Variants in ADCK2 observed in about 807,000 individuals in gnomAD.
ADCK2 encodes uncharacterized aarF domain-containing protein kinase 2.
Under a neutral mutation model 52.3 loss-of-function variants are expected in ADCK2, and 37 were observed. That is an observed-to-expected ratio of 0.71 (90% confidence interval 0.54 to 0.93). The LOEUF is 0.93. Among genes scored for constraint, ADCK2 ranks in the 40% least tolerant of loss-of-function variants. ADCK2 has a pLI of 0.00. For synonymous variants in ADCK2, 321 were observed against 349.2 expected, an observed-to-expected ratio of 0.92 and a Z score of 0.90; for missense variants, 695 against 798.7, an observed-to-expected ratio of 0.87 and a Z score of 1.56.
At chr7:140,689,154 G>T (rs903542626) in intron 5 of ADCK2, among the ~76,000 whole-genome samples, 2 of 151,986 alleles carry the variant, frequency 1.3e-5, no homozygotes, top group African/African-American at 4.8e-5. Flanking sequence ...TTTTAGTAGA[G>T]ATGGGGTTTC....
intron 2 of ADCK2, among the ~76,000 whole-genome samples, chr7:140,677,839 TG>T (rs1200946036): frequency 6.6e-6 from 1 of 151,950 alleles, no homozygotes; most frequent in African/African-American, 2.4e-5. Flanking sequence ...TTGGACCAAG[TG>T]GGGGAATAAC....
rs369787821 is a variant in ADCK2 at position 140,690,727 on chromosome 7, T to TGGTCTGCA, written c.1687-32_1687-25dup. ...AAATGAGCGGTTCTGGAAGGCTCGG[T>TGGTCTGCA]GGTCTGCATTAGCCTTTATTTTGTT... On this transcript the variant is annotated intron_variant, in intron 6 of 7. Transcript: ENST00000072869. 221 of 1,608,476 alleles carry TGGTCTGCA rather than the reference T, an allele frequency of 1.4e-4. 1 individual carries two copies. The African/African-American group carries it at 2.4e-3, about 18-fold the overall frequency.
chr7:140,690,577 T>G (rs931209428), intron 6 of ADCK2, among the ~76,000 whole-genome samples, 183 bp from the exon 7 acceptor site: 3 of 151,668 alleles, frequency 2.0e-5, no homozygotes, highest in Non-Finnish European at 4.4e-5. Flanking sequence ...GAGGTGGAGT[T>G]GGGCTTGTGC....
intron 7 of ADCK2, 135 bp from the exon 8 acceptor site, chr7:140,694,528 G>C: frequency 1.2e-6 from 1 of 817,102 alleles, no homozygotes; most frequent in South Asian, 1.8e-5. Flanking sequence ...GTAGAGAAGA[G>C]AATGTCAGGT....
Position 140,673,587 on chromosome 7 carries a change from G to T in ADCK2, c.257G>T (p.Arg86Leu). The T allele has an allele frequency of 1.2e-6, 2 of 1,605,736 alleles. No individual in the cohort carries two copies. The highest frequency in any genetic ancestry group is 1.1e-5 in the South Asian group (1 of 90,924). ...GCGGGGCCCGCGGAGAGCCTCCCCC[G>T]AGCGGGACCTCTGGGCGGCGTCTTC... Reference protein sequence around the residue: ...AGAGPAESLPRAGPLGGVFLH... With the variant: ...AGAGPAESLPLAGPLGGVFLH... The change falls in exon 1 of 8, where the codon CGA becomes CTA. Residue 86 changes from arginine to leucine, a missense_variant. By Grantham distance (102) the Arg-to-Leu change is moderately radical (BLOSUM62 -2). Coordinates refer to ENST00000072869, the MANE Select transcript of ADCK2 (RefSeq NM_052853.4). This position sits in a 1 kb window ranked among gnomAD's most constrained non-coding sequence, Gnocchi z 6.4.
chr7:140,675,976 G>A (rs539240058), intron 2 of ADCK2, among the ~76,000 whole-genome samples: 4 of 152,332 alleles, frequency 2.6e-5, no homozygotes, highest in South Asian at 2.1e-4. Flanking sequence ...GCAACCTGCC[G>A]AGTATTTGTT....
At chr7:140,682,998 C>CA (rs34792260) in intron 4 of ADCK2, among the ~76,000 whole-genome samples, 6,036 of 54,134 alleles carry the variant, frequency 0.11, 377 homozygotes, top group South Asian at 0.15. Context: ...GACTCTGTCT[C>CA]AAAAAAAAAA....
At position 140,673,837 on chromosome 7, in the gene ADCK2, G is replaced by T; in HGVS notation, c.507G>T (p.Lys169Asn). The change falls in exon 1 of 8, where the codon AAG (lysine) becomes AAT (asparagine). Residue 169 changes from lysine to asparagine, a missense_variant. Coordinates refer to ENST00000072869, the MANE Select transcript of ADCK2 (RefSeq NM_052853.4). The surrounding 1 kb of genome is among the most constrained non-coding windows in gnomAD (Gnocchi z 6.4). ...FSEAFCAQFS[K>N]LHVRVTPHPW... ...AGGCTTTCTGTGCCCAATTTTCCAA[G>T]CTGCATGTCCGAGTGACGCCCCACC... is the stretch of plus-strand genomic sequence containing the variant. The T allele has an allele frequency of 6.2e-7, 1 of 1,613,982 alleles. No individual in the cohort carries two copies. Among genetic ancestry groups the T allele is most frequent in the Non-Finnish European group, 8.5e-7 (1 of 1,180,026 alleles).
At position 140,678,375 on chromosome 7, in the gene ADCK2, C is replaced by T. The variant is rs1794457745; in HGVS notation, c.1081-780C>T. On this transcript the variant is annotated intron_variant, in intron 2 of 7. Coordinates refer to ENST00000072869, the MANE Select transcript of ADCK2 (RefSeq NM_052853.4). The surrounding 1 kb of genome is among the most constrained non-coding windows in gnomAD (Gnocchi z 4.9). ...CACATCCAGGTGTCATTGGATATAT[C>T]ACTCTGGAGACTGGCATTGAGGTCT... Among the ~76,000 whole-genome samples, 1 of 152,128 alleles carries T rather than the reference C, an allele frequency of 6.6e-6. No homozygotes were observed. Among genetic ancestry groups the T allele is most frequent in the Non-Finnish European group, 1.5e-5 (1 of 68,016 alleles).
In ADCK2 at chr7:140,679,235, C is replaced by T; in HGVS notation, c.1161C>T (p.Thr387=). 1 of 1,614,124 alleles carries T rather than the reference C, an allele frequency of 6.2e-7. No homozygotes were observed. Among genetic ancestry groups the T allele is most frequent in the South Asian group, 1.1e-5 (1 of 91,076 alleles). Residue 387 remains threonine (T), a synonymous_variant, in exon 3 of 8, where the codon ACC becomes ACT. Coordinates refer to ENST00000072869, the MANE Select transcript of ADCK2 (RefSeq NM_052853.4). ...FRNVKAVKFP[T]PLRPFVTREV... is the part of the protein sequence containing the mutation. ...ATGTGAAAGCCGTCAAGTTCCCCAC[C>T]CCTCTGCGCCCCTTTGTCACCAGAG...
At chr7:140,677,152 A>G (rs1002793377) in intron 2 of ADCK2, among the ~76,000 whole-genome samples, 1 of 152,230 alleles carries the variant, frequency 6.6e-6, no homozygotes, top group Non-Finnish European at 1.5e-5. Flanking sequence ...TCACACCTGT[A>G]GTCCTAGCAC....
chr7:140,679,585 C>T (rs541444366), intron 3 of ADCK2, among the ~76,000 whole-genome samples: 234 of 150,642 alleles, frequency 1.6e-3, no homozygotes, highest in Non-Finnish European at 2.4e-3. Context: ...AGGAGTTGGG[C>T]ACAGAGAAAG....
intron 2 of ADCK2, among the ~76,000 whole-genome samples, chr7:140,677,021 TCAAA>T (rs113170613): frequency 0.035 from 5,257 of 150,058 alleles, 177 homozygotes; most frequent in African/African-American, 0.087. Flanking sequence ...AGATCCCATC[TCAAA>T]CAAACAAACA....
Position 140,694,664 on chromosome 7 carries a change from T to G in ADCK2, c.1742T>G (p.Val581Gly). ...AACTGTTCTGTTTTTCTGTTCCAGG[T>G]AAAGCTTGAGAGCAACTTTGCCTCC... ...SVFKLLMTHK[V>G]KLESNFASIV... The change falls in exon 8 of 8, where the codon GTA becomes GGA. Residue 581 changes from valine (V) to glycine (G), a missense_variant and splice_region_variant. Coordinates refer to ENST00000072869, the MANE Select transcript of ADCK2 (RefSeq NM_052853.4). The G allele has an allele frequency of 6.2e-7, 1 of 1,613,766 alleles. No homozygotes were observed. Among genetic ancestry groups the G allele is most frequent in the Non-Finnish European group, 8.5e-7 (1 of 1,179,770 alleles).
At chr7:140,692,603 C>T (rs1407439421) in intron 7 of ADCK2, among the ~76,000 whole-genome samples, 1 of 152,244 alleles carries the variant, frequency 6.6e-6, no homozygotes, top group African/African-American at 2.4e-5. Context: ...AAGTGATCCA[C>T]CTGCCTTGGC....
chr7:140,682,447 G>A (rs1033226293), intron 4 of ADCK2, among the ~76,000 whole-genome samples: 9 of 152,142 alleles, frequency 5.9e-5, no homozygotes, highest in African/African-American at 2.2e-4. Flanking sequence ...TTTGAAGGAG[G>A]GGGCAGTGAT....
At position 140,687,141 on chromosome 7, in the gene ADCK2, C is replaced by T. The variant is rs774650705; in HGVS notation, c.1457C>T (p.Pro486Leu). 132 of 1,613,210 alleles carry T rather than the reference C, an allele frequency of 8.2e-5. 1 individual carries two copies. The South Asian group carries it at 1.1e-3, about 14-fold the overall frequency. The change falls in exon 5 of 8, where the codon CCG (proline) becomes CTG (leucine). Residue 486 changes from proline (P) to leucine (L), a missense_variant. By Grantham distance (98) the Pro-to-Leu change is moderately conservative. Coordinates refer to ENST00000072869, the MANE Select transcript of ADCK2 (RefSeq NM_052853.4). ...GTGGCCGTGCCATCTTCCCTCTGCC[C>T]GCTGCGACTGGTGCTGCTGGATGCT... ...LVVAVPSSLC[P>L]LRLVLLDAGI...
At position 140,674,768 on chromosome 7, in the gene ADCK2, C is replaced by T; in HGVS notation, c.1080+11C>T. 6.2e-7 allele frequency: 1 copy of T among 1,612,466 alleles called. No homozygotes were observed. Among genetic ancestry groups the T allele is most frequent in the Non-Finnish European group, 8.5e-7 (1 of 1,178,938 alleles). On this transcript the variant is annotated intron_variant, in intron 2 of 7. Transcript: ENST00000072869. This position sits in a 1 kb window ranked among gnomAD's most constrained non-coding sequence, Gnocchi z 4.6. ...CTGATGGTCCAACAGGTGAGTTCTC[C>T]TCCCCTCAGCTGTAAATAGCACCTA...
chr7:140,692,298 T>C (rs1387713809), intron 7 of ADCK2, among the ~76,000 whole-genome samples: 1 of 152,236 alleles, frequency 6.6e-6, no homozygotes, highest in Non-Finnish European at 1.5e-5. Context: ...ATACTGTCCT[T>C]TTGTGATTGG....
Sources: gnomAD v4.1 joint callset for allele counts (sites outside exome capture counted in the v4.1 genomes callset) on GRCh38, gnomAD v4.1.1 for gene constraint, Gnocchi (gnomAD v3.1) non-coding constraint, MANE v1.5 for transcripts, NCBI Gene and HGNC (gene_info 2026-07-23, HGNC 2026-07-21) for gene names.